The following CFHR4 variants were observed in gnomAD, a reference collection of about 807,000 sequenced individuals.
CFHR4 encodes the protein complement factor H related 4.
Under a neutral mutation model 69.3 loss-of-function variants are expected in CFHR4, and 64 were observed. That is an observed-to-expected ratio of 0.92 (90% CI 0.76 to 1.14). The LOEUF (loss-of-function observed/expected upper bound fraction) is 1.14. CFHR4 is among the 50% of genes most tolerant of loss of function. The pLI is 0.00. For synonymous variants in CFHR4, 244 were observed against 237.0 expected, an observed-to-expected ratio of 1.03 and a Z score of -0.27; for missense variants, 636 against 684.9, an observed-to-expected ratio of 0.93 and a Z score of 0.80.
chr1:196,907,125 CAT>C (rs1657956186), intron 4 of CFHR4, 88 bp downstream of exon 4: 11 of 1,250,748 alleles, frequency 8.8e-6, no homozygotes, highest in South Asian at 1.4e-5. Context: ...TGTATGAATA[CAT>C]ATGTGTACAT....
In CFHR4 at chr1:196,899,266, T is replaced by C. The variant is rs78986430; in HGVS notation, c.59-3152T>C. Among the ~76,000 whole-genome samples the C allele has an allele frequency of 5.8e-3, 883 of 151,544 alleles. 45 individuals are homozygous for C. Among genetic ancestry groups the C allele is most frequent in the African/African-American group, 0.021 (852 of 41,096 alleles). On this transcript the variant is annotated intron_variant, in intron 1 of 9. Transcript: ENST00000608469. The stretch of plus-strand genomic sequence containing the variant: ...GTGCATTGTAAAGGTGAACCATACT[T>C]AAAGTGGATAGTCCATGACAGAAAA...
intron 1 of CFHR4, among the ~76,000 whole-genome samples, chr1:196,893,294 T>C (rs1416363413): frequency 2.6e-5 from 4 of 151,676 alleles, no homozygotes; most frequent in African/African-American, 9.7e-5. Context: ...AAGTTAGCTT[T>C]TGATGAGGAC....
chr1:196,902,748 A>G, intron 2 of CFHR4, 133 bp downstream of exon 2: 1 of 627,122 alleles, frequency 1.6e-6, no homozygotes, highest in East Asian at 2.8e-5. Context: ...AAAGACCAAA[A>G]TGGATCTTTT....
At chr1:196,906,288 A>G (rs1389583175) in intron 3 of CFHR4, among the ~76,000 whole-genome samples, 1 of 151,462 alleles carries the variant, frequency 6.6e-6, no homozygotes, top group Non-Finnish European at 1.5e-5. Context: ...CAATTCGTAC[A>G]TTTCTAGAAT....
At chr1:196,896,669 A>T (rs565646097) in intron 1 of CFHR4, among the ~76,000 whole-genome samples, 3 of 151,658 alleles carry the variant, frequency 2.0e-5, no homozygotes, top group South Asian at 2.1e-4. Context: ...CTAGGAGCTA[A>T]AATTGACTGA....
intron 2 of CFHR4, among the ~76,000 whole-genome samples, chr1:196,904,313 C>T (rs1046572037): frequency 2.6e-5 from 4 of 151,586 alleles, no homozygotes; most frequent in Non-Finnish European, 5.9e-5. Flanking sequence ...ATGATTATGA[C>T]AAATGCTTTA....
chr1:196,894,652 C>A (rs2124937764), intron 1 of CFHR4, among the ~76,000 whole-genome samples: 1 of 151,540 alleles, frequency 6.6e-6, no homozygotes, highest in Middle Eastern at 3.4e-3. Flanking sequence ...GGCCTATAAA[C>A]TTCTGATGAG....
intron 9 of CFHR4, among the ~76,000 whole-genome samples, chr1:196,916,453 C>A (rs1658638895): frequency 6.6e-6 from 1 of 151,914 alleles, no homozygotes; most frequent in Admixed American, 6.6e-5. Context: ...TGATGCTATG[C>A]TACCTTTTAC....
chr1:196,895,863 G>A (rs1571417281), intron 1 of CFHR4, among the ~76,000 whole-genome samples: 1 of 151,492 alleles, frequency 6.6e-6, no homozygotes, highest in Non-Finnish European at 1.5e-5. Flanking sequence ...CTAATAATGG[G>A]TAACAACTGG....
Position 196,910,328 on chromosome 1 carries a change from TATG to T in CFHR4, c.849_851del (p.Tyr283_Glu284delinsTer). The T allele has an allele frequency of 1.9e-6, 3 of 1,610,730 alleles. No individual in the cohort carries two copies. Among genetic ancestry groups the T allele is most frequent in the Non-Finnish European group, 1.7e-6 (2 of 1,178,514 alleles). ...AGAAATTCAACATGGACATCTATAT[TATG>T]AGAATACGCGTAGACCATACTTTCC... On this transcript the variant is annotated stop_gained and inframe_deletion, in exon 6 of 10. Coordinates refer to ENST00000608469, the MANE Select transcript of CFHR4 (RefSeq NM_001201550.3). LOFTEE classifies it high-confidence loss of function.
chr1:196,895,718 T>C (rs1483240632), intron 1 of CFHR4, among the ~76,000 whole-genome samples: 2 of 151,522 alleles, frequency 1.3e-5, no homozygotes, highest in African/African-American at 4.9e-5. Context: ...ATACAGTTAT[T>C]TTAAAGTTTC....
chr1:196,890,945 G>A (rs961679088), intron 1 of CFHR4, among the ~76,000 whole-genome samples: 1 of 151,432 alleles, frequency 6.6e-6, no homozygotes, highest in Non-Finnish European at 1.5e-5. Context: ...CTTCAGGTTC[G>A]AAAATGTCGT....
chr1:196,914,748 T>C, intron 8 of CFHR4, 77 bp downstream of exon 8: 1 of 1,430,388 alleles, frequency 7.0e-7, no homozygotes, highest in Non-Finnish European at 9.3e-7. Flanking sequence ...TGTACACATA[T>C]GTGTGTACAT....
intron 1 of CFHR4, among the ~76,000 whole-genome samples, chr1:196,889,277 T>G (rs1268662036): frequency 6.6e-6 from 1 of 151,454 alleles, no homozygotes; most frequent in Non-Finnish European, 1.5e-5. Context: ...CTGTGCAAAA[T>G]CAACCTTGAT....
intron 1 of CFHR4, 88 bp from the exon 2 acceptor site, chr1:196,902,330 G>GAAT (rs1179834437): frequency 1.1e-6 from 1 of 942,540 alleles, no homozygotes; most frequent in African/African-American, 1.7e-5. Flanking sequence ...ACTAAGAAGA[G>GAAT]AATATAATTT....
At chr1:196,889,054 A>G (rs1468534287) in intron 1 of CFHR4, among the ~76,000 whole-genome samples, 4 of 151,544 alleles carry the variant, frequency 2.6e-5, no homozygotes, top group Non-Finnish European at 4.4e-5. Flanking sequence ...GTGTGTCACC[A>G]TTAATGAAGA....
chr1:196,903,684 T>C (rs1370978915), intron 2 of CFHR4, among the ~76,000 whole-genome samples: 1 of 150,594 alleles, frequency 6.6e-6, no homozygotes, highest in Admixed American at 6.6e-5. Context: ...TATATATATA[T>C]GTATATATAT....
chr1:196,901,248 G>A (rs1194684020), intron 1 of CFHR4, among the ~76,000 whole-genome samples: 1 of 150,588 alleles, frequency 6.6e-6, no homozygotes, highest in Admixed American at 6.6e-5. Context: ...TTCCACATTG[G>A]AAGTTTCAAA....
In CFHR4 at chr1:196,907,298, T is replaced by C; in HGVS notation, c.617-18T>C. 6.3e-7 allele frequency: 1 copy of C among 1,597,680 alleles called. No individual in the cohort carries two copies. Among genetic ancestry groups the C allele is most frequent in the South Asian group, 1.1e-5 (1 of 90,708 alleles). On this transcript the variant is annotated intron_variant, in intron 4 of 9. Transcript: ENST00000608469. ...TAAAACTGTTGATTTTTCCCCAATG[T>C]AAAGTATTTTTTTTCAGATTCTTCA...
Sources: allele counts gnomAD v4.1 joint callset (sites outside exome capture counted in the v4.1 genomes callset), GRCh38; gene constraint gnomAD v4.1.1; transcripts MANE v1.5; gene names NCBI Gene and HGNC (gene_info 2026-07-23, HGNC 2026-07-21).